The following ZRANB3 variants were observed in gnomAD, a reference collection of about 807,000 sequenced individuals.
ZRANB3 encodes DNA annealing helicase and endonuclease ZRANB3.
In ZRANB3, 125 loss-of-function variants were observed where a neutral mutation model predicts 133.8. The ratio of observed to expected loss-of-function variants is 0.93; its 90% CI spans 0.81 to 1.08. ZRANB3 has a LOEUF of 1.08. Ranked by LOEUF, ZRANB3 falls within the 50% of genes least tolerant of loss-of-function variation. The pLI, the probability that ZRANB3 is intolerant of heterozygous loss-of-function variation, is 0.00. For synonymous variants in ZRANB3, 387 were observed against 432.7 expected, an observed-to-expected ratio of 0.89 and a Z score of 1.31; for missense variants, 1,229 against 1,275.5, an observed-to-expected ratio of 0.96 and a Z score of 0.56.
intron 3 of ZRANB3, among the ~76,000 whole-genome samples, chr2:135,370,264 T>C (rs967765200): frequency 2.0e-5 from 3 of 152,074 alleles, no homozygotes; most frequent in African/African-American, 7.2e-5. Context: ...TTGTGAGATT[T>C]TGGTGCACCC....
Position 135,228,034 on chromosome 2 carries a change from T to C in ZRANB3, c.1955-19A>G, listed in dbSNP as rs1434266059. 5 of 1,486,366 alleles carry C rather than the reference T, an allele frequency of 3.4e-6. No individual in the cohort carries two copies. The highest frequency in any genetic ancestry group is 4.5e-6 in the Non-Finnish European group (5 of 1,110,756). 92.1% of individuals were successfully genotyped at this position (1,486,366 alleles called of 1,614,324 possible). A position where few individuals can be genotyped will look rare whatever the true frequency, so the allele number is the denominator to read the frequency against. ...TGCATAACTATTAAAATAAAAATTA[T>C]TACAAAAATGTAATAATTTACATTT... On this transcript the variant is annotated intron_variant, in intron 13 of 20. Transcript: ENST00000264159.
chr2:135,354,596 T>TA (rs1032733206), intron 3 of ZRANB3, among the ~76,000 whole-genome samples: 29 of 152,016 alleles, frequency 1.9e-4, no homozygotes, highest in African/African-American at 5.1e-4. Flanking sequence ...TATTCGGTAA[T>TA]AAAAAAAGAA....
At chr2:135,210,692 G>C (rs1245437593) in intron 17 of ZRANB3, among the ~76,000 whole-genome samples, 1 of 152,148 alleles carries the variant, frequency 6.6e-6, no homozygotes, top group Non-Finnish European at 1.5e-5. Flanking sequence ...CCAGCACTTT[G>C]GGAGGCCAAG....
At chr2:135,385,631 A>C (rs1357209781) in intron 3 of ZRANB3, among the ~76,000 whole-genome samples, 2 of 152,230 alleles carry the variant, frequency 1.3e-5, no homozygotes, top group African/African-American at 2.4e-5. Flanking sequence ...TAGTGGTACC[A>C]AAACAGATAT....
intron 2 of ZRANB3, among the ~76,000 whole-genome samples, chr2:135,491,015 T>A (rs1410432753): frequency 6.6e-6 from 1 of 151,776 alleles, no homozygotes; most frequent in African/African-American, 2.4e-5. Flanking sequence ...GATGAAGAGG[T>A]TGATTAATGG....
rs1440904748 is a variant in ZRANB3, at chr2:135,368,692, A to G, written c.181-15064T>C. Among the ~76,000 whole-genome samples the G allele has an allele frequency of 3.9e-5, 6 of 152,114 alleles. No individual in the cohort carries two copies. In the East Asian group the frequency reaches 9.6e-4, roughly 24 times the overall value. On this transcript the variant is annotated intron_variant, in intron 3 of 20. Transcript: ENST00000264159. The stretch of plus-strand genomic sequence containing the variant: ...GCTTGAGGAGATGGATACCCCATTT[A>G]CCTTAATGTGATTATTACACATTGT...
In ZRANB3 at chr2:135,315,550, A is replaced by C. The variant is rs549787483; in HGVS notation, c.678-20T>G. On this transcript the variant is annotated intron_variant, in intron 6 of 20. Coordinates refer to ENST00000264159, the MANE Select transcript of ZRANB3 (RefSeq NM_032143.4). ...AAATATCTGTTAAAATGAAGACAAA[A>C]CATGTAGCAAAATTGAATGCTGGAG... 7.8e-6 allele frequency: 11 copies of C among 1,412,262 alleles called. No individual in the cohort carries two copies. In the African/African-American group the frequency reaches 1.6e-4, roughly 21 times the overall value. 87.5% of individuals were successfully genotyped at this position (1,412,262 alleles called of 1,614,324 possible).
chr2:135,348,915 C>T (rs1685067871), intron 5 of ZRANB3, among the ~76,000 whole-genome samples: 1 of 152,070 alleles, frequency 6.6e-6, no homozygotes, highest in Non-Finnish European at 1.5e-5. Context: ...CTCAGTAGGA[C>T]TGAGTATCTT....
chr2:135,228,020 T>G lies in ZRANB3; in HGVS notation c.1955-5A>C, dbSNP rs985709549. The G allele has an allele frequency of 2.0e-6, 3 of 1,510,894 alleles. No homozygotes were observed. The African/African-American group carries it at 4.2e-5, about 21-fold the overall frequency. The allele number at this position is 1,510,894 out of a possible 1,614,324, so 93.6% of individuals were successfully genotyped here. ...TGAGGCTATCTATTTGCATAACTAT[T>G]AAAATAAAAATTATTACAAAAATGT... On this transcript the variant is annotated splice_polypyrimidine_tract_variant and splice_region_variant and intron_variant, in intron 13 of 20. Coordinates refer to ENST00000264159, the MANE Select transcript of ZRANB3 (RefSeq NM_032143.4).
At chr2:135,457,722 T>C (rs772392933) in intron 2 of ZRANB3, among the ~76,000 whole-genome samples, 2 of 152,096 alleles carry the variant, frequency 1.3e-5, no homozygotes, top group African/African-American at 4.8e-5. Flanking sequence ...TTACACTTTA[T>C]TGATGATGCC....
intron 2 of ZRANB3, among the ~76,000 whole-genome samples, chr2:135,470,342 A>C (rs1200628857): frequency 6.6e-6 from 1 of 151,680 alleles, no homozygotes; most frequent in Non-Finnish European, 1.5e-5. Flanking sequence ...AAAAATTCTA[A>C]AATACTCTAA....
intron 8 of ZRANB3, among the ~76,000 whole-genome samples, chr2:135,279,570 G>T (rs975900083): frequency 6.7e-6 from 1 of 149,308 alleles, no homozygotes; most frequent in African/African-American, 2.4e-5. Flanking sequence ...TTACTATCCA[G>T]TCCAGACTTA....
At chr2:135,512,548 TATTAA>T (rs1425082768) in intron 1 of ZRANB3, among the ~76,000 whole-genome samples, 1 of 151,666 alleles carries the variant, frequency 6.6e-6, no homozygotes, top group East Asian at 1.9e-4. Context: ...AAGATTCCTA[TATTAA>T]ATTAAAATAT....
chr2:135,242,526 G>A (rs1001701662), intron 12 of ZRANB3, among the ~76,000 whole-genome samples: 1 of 151,730 alleles, frequency 6.6e-6, no homozygotes, highest in African/African-American at 2.4e-5. Flanking sequence ...TAGGGCACAA[G>A]CAATCCTCCT....
At chr2:135,289,695 A>C (rs1681587381) in intron 8 of ZRANB3, among the ~76,000 whole-genome samples, 2 of 152,150 alleles carry the variant, frequency 1.3e-5, no homozygotes, top group Non-Finnish European at 2.9e-5. Flanking sequence ...TTGAGGACCA[A>C]AGTTCAAGAT....
intron 6 of ZRANB3, among the ~76,000 whole-genome samples, chr2:135,338,380 G>A (rs1684465014): frequency 6.6e-6 from 1 of 152,176 alleles, no homozygotes; most frequent in Non-Finnish European, 1.5e-5. Flanking sequence ...ACTGCAAACT[G>A]GTCTCTTCTT....
At chr2:135,268,572 T>C (rs1680358996) in intron 11 of ZRANB3, among the ~76,000 whole-genome samples, 1 of 152,236 alleles carries the variant, frequency 6.6e-6, no homozygotes, top group Non-Finnish European at 1.5e-5. Flanking sequence ...CTACATTTTC[T>C]AGAGTCTGGG....
chr2:135,263,886 C>G (rs1169057697), intron 12 of ZRANB3, among the ~76,000 whole-genome samples: 1 of 151,672 alleles, frequency 6.6e-6, no homozygotes, highest in Non-Finnish European at 1.5e-5. Flanking sequence ...AGTGATTCTC[C>G]TGCCTCAGCC....
intron 12 of ZRANB3, among the ~76,000 whole-genome samples, chr2:135,262,171 A>C (rs1057118426): frequency 2.6e-5 from 4 of 151,126 alleles, no homozygotes; most frequent in African/African-American, 7.3e-5. Flanking sequence ...AAAAAAAAAA[A>C]AAAAAAAAAC....
Sources: allele counts gnomAD v4.1 joint callset (sites outside exome capture counted in the v4.1 genomes callset), GRCh38; gene constraint gnomAD v4.1.1; transcripts MANE v1.5; gene names NCBI Gene and HGNC (gene_info 2026-07-23, HGNC 2026-07-21).